The following USP15 variants were observed in gnomAD, a reference collection of about 807,000 sequenced individuals.
The protein encoded by USP15 is ubiquitin specific peptidase 15.
Under a neutral mutation model 127.1 loss-of-function variants are expected in USP15, and 18 were observed. The observed-to-expected ratio is 0.14, with a 90% CI of 0.10 to 0.21. USP15 has a LOEUF of 0.21. Among genes scored for constraint, USP15 ranks in the 10% least tolerant of loss-of-function variants. USP15 has a pLI of 1.00. For missense variants in USP15, 805 were observed against 1,159.9 expected (o/e 0.69, Z 4.44); for synonymous variants, 364 against 393.7 (o/e 0.92, Z 0.89).
chr12:62,388,359 T>G (rs1355895127), intron 11 of USP15, among the ~76,000 whole-genome samples: 4 of 152,122 alleles, frequency 2.6e-5, no homozygotes, highest in East Asian at 1.9e-4. Context: ...TCTCGAACTT[T>G]CGGGCTTAAG....
chr12:62,362,709 C>A (rs1259815354), intron 8 of USP15, among the ~76,000 whole-genome samples: 1 of 152,140 alleles, frequency 6.6e-6, no homozygotes, highest in African/African-American at 2.4e-5. Context: ...CTCTCACTCT[C>A]ATAATCACTA....
intron 7 of USP15, among the ~76,000 whole-genome samples, chr12:62,349,544 A>T (rs896095087): frequency 6.6e-5 from 10 of 152,212 alleles, no homozygotes; most frequent in Non-Finnish European, 1.3e-4. Context: ...ACTAAACACT[A>T]ATCATTAAAA....
chr12:62,371,794 G>A (rs1199404692), intron 8 of USP15, among the ~76,000 whole-genome samples: 2 of 152,116 alleles, frequency 1.3e-5, no homozygotes, highest in Admixed American at 6.6e-5. Flanking sequence ...AGTGTATTTT[G>A]CTGTGGAGCT....
chr12:62,388,117 A>ATTTTTTTTT (rs58192089), intron 11 of USP15, among the ~76,000 whole-genome samples: 25 of 106,598 alleles, frequency 2.3e-4, no homozygotes, highest in Non-Finnish European at 2.5e-4. Flanking sequence ...AATGGTGAAG[A>ATTTTTTTTT]TTTTTTTTTT....
In USP15 at chr12:62,303,009, C is replaced by T. The variant is rs1028269108; in HGVS notation, c.348+89C>T. 2.1e-6 allele frequency: 3 copies of T among 1,451,250 alleles called. No individual in the cohort carries two copies. In the African/African-American group the frequency reaches 4.3e-5, roughly 21 times the overall value. The allele number at this position is 1,451,250 out of a possible 1,614,324, so 89.9% of individuals were successfully genotyped here. ...AATTCAATGAATTGTGAAGTTTCAT[C>T]ACTTATCTTAGAGAAAAAGCCAGCA... On this transcript the variant is annotated intron_variant, in intron 3 of 21. Transcript: ENST00000280377.
chr12:62,292,821 G>A (rs1337847089), intron 1 of USP15, among the ~76,000 whole-genome samples: 1 of 152,158 alleles, frequency 6.6e-6, no homozygotes, highest in African/African-American at 2.4e-5. Context: ...TCTCTTAAAA[G>A]TAGCACTCCT....
At chr12:62,314,996 A>G in intron 4 of USP15, 80 bp downstream of exon 4, 4 of 1,292,172 alleles carry the variant, frequency 3.1e-6, no homozygotes, top group Non-Finnish European at 4.0e-6. Flanking sequence ...TGCTACTTGG[A>G]TGATAACCAT....
At chr12:62,335,508 T>C (rs2065434525) in intron 6 of USP15, 5 of 1,160,070 alleles carry the variant, frequency 4.3e-6, no homozygotes, top group Non-Finnish European at 5.3e-6. Context: ...TCTCAATGCT[T>C]CCTGGTCCTT....
chr12:62,271,930 C>G (rs902686184), intron 1 of USP15, among the ~76,000 whole-genome samples: 5 of 151,658 alleles, frequency 3.3e-5, no homozygotes, highest in African/African-American at 1.2e-4. Context: ...TGCATGGAAT[C>G]TAAAAATTAA....
intron 6 of USP15, chr12:62,335,329 GA>G: frequency 6.9e-7 from 1 of 1,443,706 alleles, no homozygotes; most frequent in East Asian, 2.5e-5. Flanking sequence ...TGTGTAATCT[GA>G]GTCAGAAGTC....
intron 3 of USP15, among the ~76,000 whole-genome samples, chr12:62,306,627 T>C (rs1401881911): frequency 6.6e-6 from 1 of 151,768 alleles, no homozygotes; most frequent in Non-Finnish European, 1.5e-5. Flanking sequence ...CTTTTTGTGT[T>C]GGTTATAGTC....
At chr12:62,293,146 T>A (rs1191095822) in intron 1 of USP15, among the ~76,000 whole-genome samples, 1 of 152,106 alleles carries the variant, frequency 6.6e-6, no homozygotes, top group Non-Finnish European at 1.5e-5. Flanking sequence ...AGCTCTCCCA[T>A]AGATCGCATA....
intron 8 of USP15, 46 bp from the exon 9 acceptor site, chr12:62,381,444 T>C: frequency 6.7e-7 from 1 of 1,492,322 alleles, no homozygotes; most frequent in Non-Finnish European, 9.0e-7. Context: ...TTAAGAAAAA[T>C]TCATTATGAT....
Position 62,321,548 on chromosome 12 carries a change from C to G in USP15, c.560C>G (p.Thr187Arg). The change falls in exon 5 of 22, where the codon ACA becomes AGA. Residue 187 changes from threonine to arginine, a missense_variant. Transcript: ENST00000280377. ...TTGTGGAACAAATACATGAGTAACA[C>G]ATTTGAACCACTGAATAAACCAGAC... ...TRLWNKYMSN[T>R]FEPLNKPDST... 1 of 1,609,868 alleles carries G rather than the reference C, an allele frequency of 6.2e-7. No homozygotes were observed. Among genetic ancestry groups the G allele is most frequent in the Non-Finnish European group, 8.5e-7 (1 of 1,177,868 alleles).
At position 62,413,554 on chromosome 12, in the gene USP15, G is replaced by A. The variant is rs1424275640; in HGVS notation, c.*9179G>A. On this transcript the variant is annotated 3_prime_UTR_variant, in exon 22 of 22. Transcript: ENST00000280377. ...CTGCTTCACCTTATGCTTGTCTGTT[G>A]TGGAGACAGCTTGTTTCCTTAAACT... is the stretch of plus-strand genomic sequence containing the variant. 6.6e-6 allele frequency: 1 copy of A among 152,114 alleles called. No individual in the cohort carries two copies. The highest frequency in any genetic ancestry group is 2.4e-5 in the African/African-American group (1 of 41,422). The allele number at this position is 152,114 out of a possible 1,614,324, so 9.4% of individuals were successfully genotyped here.
intron 2 of USP15, among the ~76,000 whole-genome samples, chr12:62,301,923 A>T (rs982365413): frequency 2.6e-5 from 4 of 152,174 alleles, no homozygotes; most frequent in Non-Finnish European, 4.4e-5. Context: ...CTCTTTCTGC[A>T]TTTTAAAAAT....
chr12:62,398,238 C>T (rs1380840353), intron 20 of USP15, among the ~76,000 whole-genome samples: 2 of 152,258 alleles, frequency 1.3e-5, no homozygotes, highest in East Asian at 3.9e-4. Context: ...AGCGATCCTC[C>T]TACCTCAGCC....
chr12:62,381,318 A>G (rs1180183694), intron 8 of USP15, among the ~76,000 whole-genome samples, 172 bp from the exon 9 acceptor site: 2 of 152,094 alleles, frequency 1.3e-5, no homozygotes, highest in Non-Finnish European at 2.9e-5. Context: ...GGAAATGAAT[A>G]GTTGAGTACA....
chr12:62,293,835 G>C (rs2064048709), intron 1 of USP15, among the ~76,000 whole-genome samples: 1 of 152,074 alleles, frequency 6.6e-6, no homozygotes, highest in Non-Finnish European at 1.5e-5. Context: ...TCTTGTAAAA[G>C]AACCATTTTT....
Sources: gnomAD v4.1 joint callset for allele counts (sites outside exome capture counted in the v4.1 genomes callset) on GRCh38, gnomAD v4.1.1 for gene constraint, MANE v1.5 for transcripts, NCBI Gene and HGNC (gene_info 2026-07-23, HGNC 2026-07-21) for gene names.